The following ERC1 variants were observed in gnomAD, a reference collection of about 807,000 sequenced individuals.
ERC1 encodes the protein RAB6 interacting protein 2.
Under a neutral mutation model 132.0 loss-of-function variants are expected in ERC1, and 56 were observed. The observed-to-expected ratio is 0.42, with a 90% confidence interval of 0.34 to 0.53. The LOEUF (loss-of-function observed/expected upper bound fraction) is 0.53. ERC1 is among the 20% of genes least tolerant of loss of function. The pLI, the probability that ERC1 is intolerant of heterozygous loss-of-function variation, is 0.03. For synonymous variants in ERC1, 478 were observed against 476.1 expected, an observed-to-expected ratio of 1.00 and a Z score of -0.05; for missense variants, 1,202 against 1,349.9, an observed-to-expected ratio of 0.89 and a Z score of 1.72.
chr12:1,486,775 G>GA (rs1273579832), intron 18 of ERC1, among the ~76,000 whole-genome samples: 1 of 152,034 alleles, frequency 6.6e-6, no homozygotes, highest in African/African-American at 2.4e-5. Context: ...GAAAACTCCT[G>GA]AAAAAAATGT....
chr12:1,454,238 A>G (rs931623175), intron 18 of ERC1, among the ~76,000 whole-genome samples: 1 of 152,154 alleles, frequency 6.6e-6, no homozygotes, highest in Admixed American at 6.5e-5. Context: ...CGGAAGCTCC[A>G]CACCCCTCTC....
At chr12:1,200,708 G>A (rs1211466105) in intron 12 of ERC1, among the ~76,000 whole-genome samples, 3 of 152,022 alleles carry the variant, frequency 2.0e-5, no homozygotes, top group African/African-American at 4.8e-5. Flanking sequence ...ACAGGCGCCC[G>A]CCACCACAGC....
rs35505633 is a variant in ERC1, at chr12:1,460,958, C to CTTTTTTTTTT, written c.3213+16222_3213+16231dup. On this transcript the variant is annotated intron_variant, in intron 18 of 18. Coordinates refer to ENST00000360905, the MANE Select transcript of ERC1 (RefSeq NM_178040.4). Reference sequence around the variant, plus strand: ...GACTTGCCTAAACGATGAGGAGGCCCTTTTTTTTTTTTTTTTTTTTTTTCA... The same window carrying CTTTTTTTTTT: ...GACTTGCCTAAACGATGAGGAGGCCCTTTTTTTTTTTTTTTTTTTTTTTTTTTTTTTTTCA... Among the ~76,000 whole-genome samples, 134 of 64,942 alleles carry CTTTTTTTTTT rather than the reference C, an allele frequency of 2.1e-3. 5 individuals are homozygous for CTTTTTTTTTT. Among genetic ancestry groups the CTTTTTTTTTT allele is most frequent in the South Asian group, 2.8e-3 (3 of 1,070 alleles). The allele number at this position is 64,942 out of a possible 152,430, so 42.6% of individuals were successfully genotyped here. A position where few individuals can be genotyped will look rare whatever the true frequency, so the allele number is the denominator to read the frequency against.
intron 8 of ERC1, among the ~76,000 whole-genome samples, chr12:1,145,700 T>G (rs1247554234): frequency 6.6e-6 from 1 of 152,252 alleles, no homozygotes; most frequent in East Asian, 1.9e-4. Context: ...ATTTTTATGG[T>G]TTCAAGTCTT....
chr12:1,182,444 G>A (rs1021007618), intron 10 of ERC1, among the ~76,000 whole-genome samples: 1 of 152,162 alleles, frequency 6.6e-6, no homozygotes, highest in African/African-American at 2.4e-5. Flanking sequence ...GAACACAACA[G>A]CTATTAAATT....
Position 1,487,540 on chromosome 12 carries a change from A to AAAAAAAAAAAAG in ERC1, c.3214-2548_3214-2547insAAAAAAGAAAAA, listed in dbSNP as rs147446787. Among the ~76,000 whole-genome samples, 13 of 44,380 alleles carry AAAAAAAAAAAAG rather than the reference A, an allele frequency of 2.9e-4. 1 individual carries two copies. The highest frequency in any genetic ancestry group is 5.8e-4 in the Non-Finnish European group (7 of 12,008). The allele number at this position is 44,380 out of a possible 152,430, so 29.1% of individuals were successfully genotyped here. A position where few individuals can be genotyped will look rare whatever the true frequency, so the allele number is the denominator to read the frequency against. The stretch of plus-strand genomic sequence containing the variant: ...GGCAACATAGTTAGACCGCACCTCT[A>AAAAAAAAAAAAG]AAAAAGAAAAAGAAAAGAGAAATAC... On this transcript the variant is annotated intron_variant, in intron 18 of 18. Transcript: ENST00000360905.
At chr12:1,239,643 A>G (rs1594457528) in intron 13 of ERC1, among the ~76,000 whole-genome samples, 1 of 152,168 alleles carries the variant, frequency 6.6e-6, no homozygotes. Flanking sequence ...GCTTTATCCC[A>G]GGAGTTCAGG....
At chr12:1,291,971 A>G (rs933059444) in intron 15 of ERC1, among the ~76,000 whole-genome samples, 2 of 152,168 alleles carry the variant, frequency 1.3e-5, no homozygotes, top group Non-Finnish European at 2.9e-5. Flanking sequence ...CTTTTATGTT[A>G]GCGTTTTTCC....
intron 7 of ERC1, among the ~76,000 whole-genome samples, chr12:1,120,512 G>C (rs1017667366): frequency 6.6e-5 from 10 of 152,164 alleles, no homozygotes; most frequent in African/African-American, 2.2e-4. Context: ...ACTCTCACTA[G>C]TAACACTGGG....
intron 7 of ERC1, among the ~76,000 whole-genome samples, chr12:1,133,656 C>T (rs7139290): frequency 0.93 from 142,110 of 152,222 alleles, 67,087 homozygotes; most frequent in East Asian, 1. Context: ...GTTTGCATGG[C>T]GGAGTGTTGT....
rs557585089 is a variant in ERC1 at position 1,199,157 on chromosome 12, C to T, written c.2351+9105C>T. Among the ~76,000 whole-genome samples, 691 of 147,686 alleles carry T rather than the reference C, an allele frequency of 4.7e-3. 7 individuals are homozygous for T. The Middle Eastern group carries it at 0.058, about 12-fold the overall frequency. ...GGTGGGGACAAACCACCGTCATGAT[C>T]CAGTCACTTCCCACCAGGCCCCACC... On this transcript the variant is annotated intron_variant, in intron 12 of 18. Transcript: ENST00000360905.
chr12:1,399,742 A>G (rs1338885505), intron 16 of ERC1, among the ~76,000 whole-genome samples: 1 of 152,206 alleles, frequency 6.6e-6, no homozygotes, highest in East Asian at 1.9e-4. Context: ...TTTATGGCTA[A>G]TAGCTCATTA....
At chr12:1,127,648 A>T (rs1948346182) in intron 7 of ERC1, among the ~76,000 whole-genome samples, 1 of 152,210 alleles carries the variant, frequency 6.6e-6, no homozygotes, top group Non-Finnish European at 1.5e-5. Context: ...AAAAGTAAAA[A>T]ACAGGTTGAG....
intron 17 of ERC1, among the ~76,000 whole-genome samples, chr12:1,415,316 G>A (rs1346027427): frequency 6.6e-6 from 1 of 152,094 alleles, no homozygotes; most frequent in Non-Finnish European, 1.5e-5. Context: ...AGTTGGTCTT[G>A]GTATAAGAAC....
intron 13 of ERC1, among the ~76,000 whole-genome samples, chr12:1,250,200 C>T (rs1594541595): frequency 6.6e-6 from 1 of 152,182 alleles, no homozygotes; most frequent in South Asian, 2.1e-4. Context: ...CGTTGTTTTC[C>T]TAATGTATGC....
At chr12:1,151,384 C>T (rs1566091126) in intron 8 of ERC1, among the ~76,000 whole-genome samples, 1 of 152,152 alleles carries the variant, frequency 6.6e-6, no homozygotes, top group Admixed American at 6.5e-5. Context: ...AGATCTCTCT[C>T]CAAGTCACCA....
At chr12:998,033 C>T (rs1470719333) in intron 1 of ERC1, among the ~76,000 whole-genome samples, 1 of 152,180 alleles carries the variant, frequency 6.6e-6, no homozygotes, top group African/African-American at 2.4e-5. Context: ...ATAAAAAACT[C>T]CAGATTTATA....
At chr12:1,437,349 A>G (rs1280535611) in intron 17 of ERC1, among the ~76,000 whole-genome samples, 1 of 152,174 alleles carries the variant, frequency 6.6e-6, no homozygotes. Context: ...CCTCATCTGT[A>G]TATACATGTT....
chr12:1,202,539 C>A (rs541859425), intron 12 of ERC1, among the ~76,000 whole-genome samples: 136 of 152,078 alleles, frequency 8.9e-4, no homozygotes, highest in Non-Finnish European at 1.6e-3. Flanking sequence ...TGTCTATAGT[C>A]CCAGCTATTT....
Sources: gnomAD v4.1 joint callset for allele counts (sites outside exome capture counted in the v4.1 genomes callset) on GRCh38, gnomAD v4.1.1 for gene constraint, MANE v1.5 for transcripts, NCBI Gene and HGNC (gene_info 2026-07-23, HGNC 2026-07-21) for gene names.